LAMP2: variants seen among roughly 807,000 people sequenced by gnomAD.
The protein encoded by LAMP2 is lysosome associated membrane protein 2.
A neutral mutation model predicts 25.6 loss-of-function variants in LAMP2; 4 were observed. The ratio of observed to expected loss-of-function variants is 0.16; its 90% CI spans 0.08 to 0.36. LAMP2 has a LOEUF of 0.36. Among genes scored for constraint, LAMP2 ranks in the 10% least tolerant of loss-of-function variants. LAMP2 has a pLI of 1.00. For missense variants in LAMP2, 272 were observed against 301.4 expected (o/e 0.90, Z 0.72); for synonymous variants, 108 against 112.7 (o/e 0.96, Z 0.27).
intron 6 of LAMP2, among the ~76,000 whole-genome samples, chrX:120,445,709 G>A (rs986774557): frequency 8.9e-6 from 1 of 112,188 alleles, no homozygotes; most frequent in Admixed American, 9.4e-5. Flanking sequence ...CTAGCAAGAA[G>A]TAGAACAGGT....
chrX:120,438,259 C>G, intron 8 of LAMP2: 1 of 749,765 alleles, frequency 1.3e-6, no homozygotes, highest in Non-Finnish European at 1.6e-6. Flanking sequence ...ACATCACTAT[C>G]AACAAGAAAT....
Position 120,428,815 on chromosome X carries a change from C to T in LAMP2, c.*2508G>A, listed in dbSNP as rs932356911. The T allele has an allele frequency of 3.3e-5, 25 of 749,954 alleles. No homozygotes were observed. Among genetic ancestry groups the T allele is most frequent in the Non-Finnish European group, 3.4e-5 (22 of 637,699 alleles). 61.8% of individuals were successfully genotyped at this position (749,954 alleles called of 1,213,427 possible). ...TAAAATCACACGAAATTCCTCAGTACGAAAAGCAGAAGGTAAGGGAAGAAT... is the reference window on the plus strand; with the variant it reads ...TAAAATCACACGAAATTCCTCAGTATGAAAAGCAGAAGGTAAGGGAAGAAT... On this transcript the variant is annotated 3_prime_UTR_variant, in exon 9 of 9. Transcript: ENST00000200639.
chrX:120,430,422 C>A lies in LAMP2; in HGVS notation c.*901G>T. On this transcript the variant is annotated 3_prime_UTR_variant, in exon 9 of 9. Transcript: ENST00000200639. ...CATAAGTACCACACTGATGACAACACTAAATAGATTTTAATGCTCCAGAGA... is the reference window on the plus strand; with the variant it reads ...CATAAGTACCACACTGATGACAACAATAAATAGATTTTAATGCTCCAGAGA... 1 of 752,385 alleles carries A rather than the reference C, an allele frequency of 1.3e-6. No individual in the cohort carries two copies. The highest frequency in any genetic ancestry group is 1.6e-6 in the Non-Finnish European group (1 of 637,523). The allele number at this position is 752,385 out of a possible 1,213,427, so 62.0% of individuals were successfully genotyped here. A position where few individuals can be genotyped will look rare whatever the true frequency, so the allele number is the denominator to read the frequency against.
chrX:120,469,145 C>A lies in LAMP2; in HGVS notation c.25G>T (p.Val9Phe). 8.2e-7 allele frequency: 1 copy of A among 1,212,238 alleles called. No homozygotes were observed. The highest frequency in any genetic ancestry group is 1.1e-6 in the Non-Finnish European group (1 of 895,604). ...ACCAGAACGAGCCCTGAGCCCGGAA[C>A]CGGGAAGAGGCGGAAGCACACCATG... MVCFRLFP[V>F]PGSGLVLVCL... Residue 9 changes from valine (V) to phenylalanine (F), a missense_variant, in exon 1 of 9, where the codon GTT becomes TTT. By Grantham distance (50) the Val-to-Phe change is conservative (BLOSUM62 -1). Transcript: ENST00000200639.
At chrX:120,452,713 CTTTTTTTTTTT>C (rs768340777) in intron 3 of LAMP2, among the ~76,000 whole-genome samples, 3 of 67,694 alleles carry the variant, frequency 4.4e-5, no homozygotes, top group Non-Finnish European at 7.8e-5. Flanking sequence ...CCACACCTGG[CTTTTTTTTTTT>C]TTTTTTTTTT....
chrX:120,454,238 A>C (rs1253606543), intron 3 of LAMP2, among the ~76,000 whole-genome samples: 1 of 110,336 alleles, frequency 9.1e-6, no homozygotes, highest in Non-Finnish European at 1.9e-5. Flanking sequence ...AAAAAAAAAA[A>C]AAAAACATAG....
chrX:120,436,164 ACACACACTCT>A (rs1272340516), intron 8 of LAMP2, among the ~76,000 whole-genome samples: 109 of 85,678 alleles, frequency 1.3e-3, no homozygotes, highest in Middle Eastern at 6.1e-3. Context: ...ACACACACAC[ACACACACTCT>A]CTCTCTCTCT....
At chrX:120,460,813 T>C (rs1348894289) in intron 1 of LAMP2, among the ~76,000 whole-genome samples, 1 of 112,052 alleles carries the variant, frequency 8.9e-6, no homozygotes, top group African/African-American at 3.2e-5. Context: ...TAGCTGGGCA[T>C]GGTGGCACAT....
At chrX:120,437,583 T>G in intron 8 of LAMP2, 1 of 752,241 alleles carries the variant, frequency 1.3e-6, no homozygotes, top group Non-Finnish European at 1.6e-6. Flanking sequence ...TTTTGCTTTC[T>G]CCTATAAACA....
chrX:120,454,239 A>C (rs2058634622), intron 3 of LAMP2, among the ~76,000 whole-genome samples: 1 of 110,368 alleles, frequency 9.1e-6, no homozygotes, highest in Non-Finnish European at 1.9e-5. Flanking sequence ...AAAAAAAAAA[A>C]AAAACATAGC....
chrX:120,434,519 A>G (rs1167805668), intron 8 of LAMP2, among the ~76,000 whole-genome samples: 2 of 112,377 alleles, frequency 1.8e-5, no homozygotes, highest in African/African-American at 6.5e-5. Flanking sequence ...TCTGAAGAAA[A>G]GAAAATCTCA....
intron 6 of LAMP2, 67 bp downstream of exon 6, chrX:120,446,238 C>T: frequency 1.9e-6 from 2 of 1,035,476 alleles, no homozygotes; most frequent in South Asian, 3.8e-5. Context: ...TCCCCCCATG[C>T]AACTATTTAG....
In LAMP2 at chrX:120,447,833, A is replaced by G; in HGVS notation, c.741+8T>C. 8.4e-7 allele frequency: 1 copy of G among 1,196,331 alleles called. No homozygotes were observed. The highest frequency in any genetic ancestry group is 2.3e-4 in the Middle Eastern group (1 of 4,313). Reference sequence around the variant, plus strand: ...AAAGGATGTATTGATAAAGATAGACACCTATACCTTATCCTGAGTGATGTT... The same window carrying G: ...AAAGGATGTATTGATAAAGATAGACGCCTATACCTTATCCTGAGTGATGTT... On this transcript the variant is annotated splice_region_variant and intron_variant, in intron 5 of 8. Transcript: ENST00000200639.
chrX:120,449,440 C>T (rs1009040884), intron 3 of LAMP2, among the ~76,000 whole-genome samples: 3 of 111,819 alleles, frequency 2.7e-5, no homozygotes, highest in Non-Finnish European at 5.6e-5. Context: ...CATGGTGAAA[C>T]CTCGTCTCTA....
At chrX:120,463,189 T>C (rs1349621204) in intron 1 of LAMP2, among the ~76,000 whole-genome samples, 3 of 112,142 alleles carry the variant, frequency 2.7e-5, no homozygotes, top group African/African-American at 9.7e-5. Flanking sequence ...TTCTCCTTTA[T>C]AATTCCTAAT....
chrX:120,454,580 C>A (rs887564387), intron 3 of LAMP2, among the ~76,000 whole-genome samples: 2 of 107,419 alleles, frequency 1.9e-5, no homozygotes, highest in African/African-American at 3.4e-5. Context: ...TAGTGAGACA[C>A]CCCCCCCAAC....
chrX:120,450,208 TA>T (rs2058615433), intron 3 of LAMP2, among the ~76,000 whole-genome samples: 1 of 111,976 alleles, frequency 8.9e-6, no homozygotes, highest in African/African-American at 3.2e-5. Flanking sequence ...ATATAGTTTT[TA>T]TTAGCCTGTG....
At chrX:120,446,187 T>C in intron 6 of LAMP2, 118 bp downstream of exon 6, 1 of 649,931 alleles carries the variant, frequency 1.5e-6, no homozygotes, top group Non-Finnish European at 2.5e-6. Context: ...CACTTTATAA[T>C]TGAGTACTGT....
intron 6 of LAMP2, among the ~76,000 whole-genome samples, chrX:120,445,993 T>A (rs1033942145): frequency 8.9e-6 from 1 of 111,972 alleles, no homozygotes; most frequent in Non-Finnish European, 1.9e-5. Context: ...AAATTACTTA[T>A]GTATGGATAG....
Sources: allele counts gnomAD v4.1 joint callset (sites outside exome capture counted in the v4.1 genomes callset), GRCh38; gene constraint gnomAD v4.1.1; transcripts MANE v1.5; gene names NCBI Gene and HGNC (gene_info 2026-07-23, HGNC 2026-07-21).